RUVBL1: variants seen among roughly 807,000 people sequenced by gnomAD.
The protein encoded by RUVBL1 is RuvB like AAA ATPase 1.
Under a neutral mutation model 52.4 loss-of-function variants are expected in RUVBL1, and 4 were observed. That is an observed-to-expected ratio of 0.08 (90% CI 0.04 to 0.17). The LOEUF is 0.17. Among genes scored for constraint, RUVBL1 ranks in the 10% least tolerant of loss-of-function variants. The pLI, the probability that RUVBL1 is intolerant of heterozygous loss-of-function variation, is 1.00. For missense variants in RUVBL1, 298 were observed against 572.8 expected (o/e 0.52, Z 4.90); for synonymous variants, 217 against 214.4 (o/e 1.01, Z -0.10).
At chr3:128,066,590 T>G in intron 9 of RUVBL1, 2 of 225,574 alleles carry the variant, frequency 8.9e-6, no homozygotes, top group African/African-American at 2.3e-5. Context: ...ACCCGGCCAG[T>G]TTTGTTTATT....
intron 1 of RUVBL1, chr3:128,153,055 TC>T: frequency 9.2e-6 from 2 of 217,338 alleles, no homozygotes; most frequent in Non-Finnish European, 1.4e-5. Flanking sequence ...CGCCCTTTTT[TC>T]AATCCTCCCT....
Position 128,067,721 on chromosome 3 carries a change from T to C in RUVBL1, c.940-2501A>G. On this transcript the variant is annotated intron_variant, in intron 9 of 9. Coordinates refer to the RUVBL1 transcript ENST00000464873. This position sits in a 1 kb window ranked among gnomAD's most constrained non-coding sequence, Gnocchi z 4.1. ...ATGGTCTGTGACGTGTGCAGATAGA[T>C]CGTCGTCCTTTAGGGGGCAGTTCAG... is the stretch of plus-strand genomic sequence containing the variant. The C allele has an allele frequency of 1.1e-6, 1 of 930,710 alleles. No homozygotes were observed. The highest frequency in any genetic ancestry group is 1.6e-5 in the South Asian group (1 of 60,806). 57.7% of individuals were successfully genotyped at this position (930,710 alleles called of 1,614,324 possible). A position where few individuals can be genotyped will look rare whatever the true frequency, so the allele number is the denominator to read the frequency against.
chr3:128,108,422 T>G (rs561279421), intron 3 of RUVBL1, among the ~76,000 whole-genome samples: 1 of 152,328 alleles, frequency 6.6e-6, no homozygotes, highest in South Asian at 2.1e-4. Flanking sequence ...TTTTCTGAAT[T>G]TTAAAGCATT....
intron 1 of RUVBL1, among the ~76,000 whole-genome samples, chr3:128,137,015 CT>C (rs1431016340): frequency 6.6e-6 from 1 of 152,130 alleles, no homozygotes; most frequent in African/African-American, 2.4e-5. Context: ...CTTCCAACGG[CT>C]GCAGAATACA....
In RUVBL1 at chr3:128,081,578, G is replaced by A; in HGVS notation, c.1212-169C>T. The A allele has an allele frequency of 6.0e-6, 4 of 668,420 alleles. 1 individual carries two copies. In the South Asian group the frequency reaches 8.0e-5, roughly 13 times the overall value. The allele number at this position is 668,420 out of a possible 1,614,324, so 41.4% of individuals were successfully genotyped here. ...AGACAAAGTTGTCACTTCTCAGAGA[G>A]CTGCAGTCATTATCCCATCAGAGAG... On this transcript the variant is annotated intron_variant, in intron 10 of 10. Coordinates refer to ENST00000322623, the MANE Select transcript of RUVBL1 (RefSeq NM_003707.3). This position sits in a 1 kb window ranked among gnomAD's most constrained non-coding sequence, Gnocchi z 4.8.
intron 6 of RUVBL1, 21 bp downstream of exon 6, chr3:128,100,574 A>T: frequency 6.4e-7 from 1 of 1,573,598 alleles, no homozygotes; most frequent in Non-Finnish European, 8.6e-7. Flanking sequence ...GTGCCAGATC[A>T]CCCAGGCATC....
At chr3:128,128,827 G>T (rs1036019886) in intron 1 of RUVBL1, among the ~76,000 whole-genome samples, 1 of 152,200 alleles carries the variant, frequency 6.6e-6, no homozygotes, top group Non-Finnish European at 1.5e-5. Flanking sequence ...GATTCTCCTT[G>T]TATGCGACTC....
chr3:128,094,690 T>C (rs1942928777), intron 8 of RUVBL1, among the ~76,000 whole-genome samples: 1 of 152,142 alleles, frequency 6.6e-6, no homozygotes, highest in South Asian at 2.1e-4. Context: ...AGATGGCCCA[T>C]GTAGAGTGCT....
chr3:128,133,214 C>T (rs1576485285), intron 1 of RUVBL1, among the ~76,000 whole-genome samples: 2 of 152,166 alleles, frequency 1.3e-5, no homozygotes, highest in Admixed American at 6.5e-5. Context: ...GGCACCAGCT[C>T]GGCTACAGTA....
exon 10 of RUVBL1, chr3:128,065,117 T>A: frequency 8.0e-6 from 11 of 1,370,336 alleles, no homozygotes; most frequent in Non-Finnish European, 1.1e-5. Flanking sequence ...TCCCCCACTC[T>A]GTGGGGTGCA....
Position 128,067,040 on chromosome 3 carries a change from C to T in RUVBL1, c.940-1820G>A. 6.2e-7 allele frequency: 1 copy of T among 1,614,246 alleles called. No homozygotes were observed. The highest frequency in any genetic ancestry group is 8.5e-7 in the Non-Finnish European group (1 of 1,180,042). On this transcript the variant is annotated intron_variant, in intron 9 of 9. Transcript: ENST00000464873. This position sits in a 1 kb window ranked among gnomAD's most constrained non-coding sequence, Gnocchi z 4.1. ...CCATCAAGCTCTTCTATACGTCCAA[C>T]ATCCCCATCATCCTGCAGTCTGCCC... is the stretch of plus-strand genomic sequence containing the variant.
intron 1 of RUVBL1, among the ~76,000 whole-genome samples, chr3:128,150,869 TATATATATTCTATA>T (rs1257477990): frequency 7.8e-5 from 6 of 77,044 alleles, no homozygotes; most frequent in African/African-American, 3.6e-4. Flanking sequence ...ATATATTATA[TATATATATTCTATA>T]TATATATTCT....
chr3:128,072,928 C>T (rs1384463054), intron 9 of RUVBL1, among the ~76,000 whole-genome samples: 2 of 152,178 alleles, frequency 1.3e-5, no homozygotes, highest in African/African-American at 2.4e-5. Context: ...GGGGGTAAGG[C>T]TTACTCTGCT....
chr3:128,065,384 T>C, intron 9 of RUVBL1: 1 of 556,700 alleles, frequency 1.8e-6, no homozygotes, highest in South Asian at 2.6e-5. Flanking sequence ...AGAAAGTTTG[T>C]ATGATATTTA....
rs1943700619 is a variant in RUVBL1 at position 128,123,358 on chromosome 3, C to A, written c.141+226G>T. On this transcript the variant is annotated intron_variant, in intron 1 of 10. Coordinates refer to ENST00000322623, the MANE Select transcript of RUVBL1 (RefSeq NM_003707.3). The stretch of plus-strand genomic sequence containing the variant: ...AGCACTTGTCCATGAGTTGGCAAAC[C>A]GTCAACTGCCCCCAGTGGATCGTCA... Among the ~76,000 whole-genome samples the A allele has an allele frequency of 2.0e-5, 3 of 152,196 alleles. No homozygotes were observed. In the South Asian group the frequency reaches 6.2e-4, roughly 32 times the overall value.
At chr3:128,105,986 C>T (rs969061673) in intron 3 of RUVBL1, among the ~76,000 whole-genome samples, 2 of 151,146 alleles carry the variant, frequency 1.3e-5, no homozygotes, top group Non-Finnish European at 2.9e-5. Flanking sequence ...TCTCCTGCCT[C>T]AGCCTCCCAA....
chr3:128,080,386 G>C (rs986450383), downstream of RUVBL1, among the ~76,000 whole-genome samples: 6 of 152,220 alleles, frequency 3.9e-5, no homozygotes, highest in Non-Finnish European at 1.5e-5. Context: ...TGCATATAGT[G>C]ACTTCCTTCC....
At chr3:128,105,191 C>A (rs1943199623) in intron 3 of RUVBL1, among the ~76,000 whole-genome samples, 1 of 150,712 alleles carries the variant, frequency 6.6e-6, no homozygotes, top group African/African-American at 2.5e-5. Flanking sequence ...CGACTCACTG[C>A]AACCTCTGCC....
chr3:128,127,373 C>A (rs192570794), upstream of RUVBL1, among the ~76,000 whole-genome samples: 20 of 152,248 alleles, frequency 1.3e-4, no homozygotes, highest in East Asian at 3.7e-3. Flanking sequence ...CTAGACCTGC[C>A]AGCTCTCATT....
Sources: allele counts gnomAD v4.1 joint callset (sites outside exome capture counted in the v4.1 genomes callset), GRCh38; gene constraint gnomAD v4.1.1; non-coding constraint Gnocchi (gnomAD v3.1); transcripts MANE v1.5; gene names NCBI Gene and HGNC (gene_info 2026-07-23, HGNC 2026-07-21).